SLX4IP: variants seen among roughly 807,000 people sequenced by gnomAD.
SLX4IP encodes protein SLX4IP.
Under a neutral mutation model 32.9 loss-of-function variants are expected in SLX4IP, and 34 were observed. That is an observed-to-expected ratio of 1.03 (90% confidence interval 0.79 to 1.38). SLX4IP has a LOEUF of 1.38. Among genes scored for constraint, SLX4IP ranks in the 40% most tolerant of loss-of-function variants. SLX4IP has a pLI of 0.00. For missense variants in SLX4IP, 444 were observed against 479.0 expected (o/e 0.93, Z 0.68); for synonymous variants, 172 against 171.7 (o/e 1.00, Z -0.01).
chr20:10,549,000 T>C (rs1462491941), intron 2 of SLX4IP, among the ~76,000 whole-genome samples: 1 of 152,216 alleles, frequency 6.6e-6, no homozygotes. Flanking sequence ...GCTGGTTCCC[T>C]TTCTTATATG....
intron 2 of SLX4IP, among the ~76,000 whole-genome samples, chr20:10,538,257 G>T (rs2066067118): frequency 6.7e-6 from 1 of 148,874 alleles, no homozygotes; most frequent in South Asian, 2.3e-4. Flanking sequence ...ATTCTCCAGG[G>T]CTAAGTCAGC....
chr20:10,452,304 G>C (rs1011978663), intron 1 of SLX4IP, among the ~76,000 whole-genome samples: 2 of 152,178 alleles, frequency 1.3e-5, no homozygotes, highest in Non-Finnish European at 2.9e-5. Flanking sequence ...GCTGAGGCTG[G>C]TGGATTGCTT....
At chr20:10,526,813 T>A (rs648696) in intron 2 of SLX4IP, among the ~76,000 whole-genome samples, 3 of 151,824 alleles carry the variant, frequency 2.0e-5, no homozygotes, top group African/African-American at 4.8e-5. Flanking sequence ...TTAGCTGGGT[T>A]TTGTGGCATG....
At chr20:10,597,584 T>C (rs141474833) in intron 4 of SLX4IP, among the ~76,000 whole-genome samples, 1 of 152,348 alleles carries the variant, frequency 6.6e-6, no homozygotes, top group African/African-American at 2.4e-5. Flanking sequence ...GTATTTCTGT[T>C]ACTACCTATA....
chr20:10,588,882 TTAA>T (rs1344625664), intron 4 of SLX4IP, among the ~76,000 whole-genome samples: 1 of 152,174 alleles, frequency 6.6e-6, no homozygotes, highest in Non-Finnish European at 1.5e-5. Flanking sequence ...GTGACTGTAG[TTAA>T]TAATCATTGC....
chr20:10,601,171 AAC>A (rs879279176), intron 5 of SLX4IP, among the ~76,000 whole-genome samples: 156 of 152,328 alleles, frequency 1.0e-3, no homozygotes, highest in Admixed American at 1.7e-3. Flanking sequence ...TTGTATATTT[AAC>A]CATTTTCTTA....
chr20:10,601,490 T>G (rs2172351), intron 5 of SLX4IP, among the ~76,000 whole-genome samples: 1 of 151,996 alleles, frequency 6.6e-6, no homozygotes. Context: ...GGGTTTCCTG[T>G]AATGTAATGG....
intron 2 of SLX4IP, among the ~76,000 whole-genome samples, chr20:10,508,261 T>C (rs948837421): frequency 1.5e-4 from 23 of 152,212 alleles, no homozygotes; most frequent in African/African-American, 5.3e-4. Context: ...CTTAACACAG[T>C]GCTAGGCACA....
At chr20:10,538,393 G>A (rs937341026) in intron 2 of SLX4IP, among the ~76,000 whole-genome samples, 6 of 152,136 alleles carry the variant, frequency 3.9e-5, no homozygotes, top group African/African-American at 1.4e-4. Context: ...TATTCCTGGA[G>A]TCTACCCATT....
intron 2 of SLX4IP, among the ~76,000 whole-genome samples, chr20:10,529,572 C>T (rs1180918636): frequency 8.4e-6 from 1 of 118,676 alleles, no homozygotes; most frequent in East Asian, 2.5e-4. Context: ...GTCTGGGTGA[C>T]CGTGTGAGAC....
chr20:10,482,555 G>C (rs1285652112), intron 2 of SLX4IP, among the ~76,000 whole-genome samples: 1 of 152,102 alleles, frequency 6.6e-6, no homozygotes, highest in Non-Finnish European at 1.5e-5. Context: ...TTATACACTA[G>C]ATGCCTGGAT....
At chr20:10,482,580 A>T (rs1019139262) in intron 2 of SLX4IP, among the ~76,000 whole-genome samples, 2 of 151,964 alleles carry the variant, frequency 1.3e-5, no homozygotes, top group African/African-American at 4.8e-5. Flanking sequence ...CTCTCTTCTG[A>T]GGTTGTACTA....
At chr20:10,457,443 G>GTTT (rs200528822) in intron 1 of SLX4IP, among the ~76,000 whole-genome samples, 8 of 141,000 alleles carry the variant, frequency 5.7e-5, no homozygotes, top group African/African-American at 1.5e-4. Context: ...AGCATTTTGG[G>GTTT]TTTTTTTTTT....
intron 2 of SLX4IP, among the ~76,000 whole-genome samples, chr20:10,481,522 T>A (rs2122381456): frequency 6.6e-6 from 1 of 152,326 alleles, no homozygotes; most frequent in East Asian, 1.9e-4. Context: ...GAATTTGCCA[T>A]GATTATGCAA....
Position 10,625,645 on chromosome 20 carries a change from A to G in SLX4IP, c.*2266A>G, listed in dbSNP as rs2067163646. ...AAGTCTTGGCTTTAGAGTTTGTTATAGTTGGGGATATAACAATTACTGTGA... is the reference window on the plus strand; with the variant it reads ...AAGTCTTGGCTTTAGAGTTTGTTATGGTTGGGGATATAACAATTACTGTGA... On this transcript the variant is annotated 3_prime_UTR_variant, in exon 8 of 8. Coordinates refer to ENST00000334534, the MANE Select transcript of SLX4IP (RefSeq NM_001009608.3). The G allele has an allele frequency of 1.3e-5, 2 of 152,182 alleles. No homozygotes were observed. The highest frequency in any genetic ancestry group is 2.9e-5 in the Non-Finnish European group (2 of 68,036). 9.4% of individuals were successfully genotyped at this position (152,182 alleles called of 1,614,324 possible).
chr20:10,464,900 C>T (rs892977366), intron 2 of SLX4IP, among the ~76,000 whole-genome samples: 1 of 152,084 alleles, frequency 6.6e-6, no homozygotes, highest in East Asian at 1.9e-4. Context: ...AACTGTCCTC[C>T]CGACTTGGCC....
chr20:10,532,046 A>G (rs903223850), intron 2 of SLX4IP, among the ~76,000 whole-genome samples: 4 of 152,212 alleles, frequency 2.6e-5, no homozygotes, highest in African/African-American at 9.6e-5. Flanking sequence ...AACTGCCAGC[A>G]GGAATTTGCC....
In SLX4IP at chr20:10,453,744, AT is replaced by A. The variant is rs952187523; in HGVS notation, c.-29-4422del. ...CTACCCCCCAACGCACTTAAAAAAA[AT>A]TTTTTTTTTATCCCCAATGCCTAAA... On this transcript the variant is annotated intron_variant, in intron 1 of 7. Transcript: ENST00000334534. 5.1e-4 allele frequency among the ~76,000 whole-genome samples: 58 copies of A among 114,542 alleles called. 1 individual carries two copies. Among genetic ancestry groups the A allele is most frequent in the East Asian group, 3.4e-3 (16 of 4,718 alleles). The allele number at this position is 114,542 out of a possible 152,430, so 75.1% of individuals were successfully genotyped here. A position where few individuals can be genotyped will look rare whatever the true frequency, so the allele number is the denominator to read the frequency against.
chr20:10,510,588 A>G (rs987855637), intron 2 of SLX4IP, among the ~76,000 whole-genome samples: 1 of 147,286 alleles, frequency 6.8e-6, no homozygotes, highest in East Asian at 2.0e-4. Context: ...TGTTATTATT[A>G]TTATTATTAT....
Sources: allele counts gnomAD v4.1 joint callset (sites outside exome capture counted in the v4.1 genomes callset), GRCh38; gene constraint gnomAD v4.1.1; transcripts MANE v1.5; gene names NCBI Gene and HGNC (gene_info 2026-07-23, HGNC 2026-07-21).